CARNMT1: variants seen among roughly 807,000 people sequenced by gnomAD.
CARNMT1 encodes the protein protein-L-histidine N-pros-methyltransferase CARNMT1.
CARNMT1 carries 28 observed loss-of-function variants against 49.6 expected under a neutral mutation model. The observed-to-expected ratio is 0.56, with a 90% CI of 0.42 to 0.77. The LOEUF is 0.77. CARNMT1 is among the 30% of genes least tolerant of loss of function. The probability of loss-of-function intolerance (pLI) is 0.00; values close to 1 mark genes in which losing one functional copy is unlikely to be tolerated. For missense variants in CARNMT1, 421 were observed against 512.6 expected, an observed-to-expected ratio of 0.82 and a Z score of 1.73; for synonymous variants, 178 against 175.0, an observed-to-expected ratio of 1.02 and a Z score of -0.13.
At chr9:75,008,017 G>C (rs1303171745) in intron 3 of CARNMT1, among the ~76,000 whole-genome samples, 1 of 151,838 alleles carries the variant, frequency 6.6e-6, no homozygotes, top group Non-Finnish European at 1.5e-5. Context: ...TATTACATTA[G>C]CAACAAAAAT....
intron 6 of CARNMT1, among the ~76,000 whole-genome samples, chr9:74,986,247 C>T (rs921690932): frequency 9.9e-5 from 15 of 152,148 alleles, no homozygotes; most frequent in Admixed American, 9.2e-4. Flanking sequence ...AATAACAAGA[C>T]AAAGGTTCTG....
chr9:74,993,903 G>C (rs925574352), intron 6 of CARNMT1, among the ~76,000 whole-genome samples: 2 of 152,190 alleles, frequency 1.3e-5, no homozygotes, highest in Non-Finnish European at 2.9e-5. Flanking sequence ...AGACTGACTA[G>C]AGACAAACAG....
At chr9:75,009,891 G>GC (rs1397006629) in intron 3 of CARNMT1, 1 of 152,130 alleles carries the variant, frequency 6.6e-6, no homozygotes, top group Non-Finnish European at 1.5e-5. Context: ...CAAACAGAAT[G>GC]TAAGAATCAT....
Position 75,001,847 on chromosome 9 carries a change from G to A in CARNMT1, c.591-1977C>T, listed in dbSNP as rs191528396. 3.9e-5 allele frequency among the ~76,000 whole-genome samples: 6 copies of A among 152,246 alleles called. No individual in the cohort carries two copies. The East Asian group carries it at 5.8e-4, about 15-fold the overall frequency. On this transcript the variant is annotated intron_variant, in intron 3 of 7. Transcript: ENST00000376834. ...GCATTTCTATGAGGTCATTTCTGTG[G>A]AGAAAAAGAAACACAAATCTAATAC...
intron 2 of CARNMT1, chr9:75,017,008 G>C (rs1833874924): frequency 2.2e-6 from 1 of 463,936 alleles, no homozygotes; most frequent in Non-Finnish European, 3.8e-6. Context: ...TTCCAAAACA[G>C]AACATTATGT....
intron 6 of CARNMT1, among the ~76,000 whole-genome samples, chr9:74,992,181 A>T (rs962837422): frequency 1.3e-5 from 2 of 152,044 alleles, no homozygotes; most frequent in Admixed American, 6.5e-5. Context: ...CTGAGGCATA[A>T]GAATCGCTTG....
Position 74,996,522 on chromosome 9 carries a change from T to G in CARNMT1, c.949A>C (p.Thr317Pro). Reference sequence around the variant, plus strand: ...ATATAATCAATTACATTGTGAGCTGTGTCTATGAAGAAACAGGTAGCAATA... The same window carrying G: ...ATATAATCAATTACATTGTGAGCTGGGTCTATGAAGAAACAGGTAGCAATA... ...DCIATCFFID[T>P]AHNVIDYIDT... is the part of the protein sequence containing the mutation. Residue 317 changes from threonine to proline, a missense_variant, in exon 6 of 8, where the codon ACA becomes CCA. Thr to Pro is a conservative substitution (Grantham distance 38, BLOSUM62 -1). Around this residue, in one of 2 missense-constraint regions of CARNMT1, gnomAD observed 235 missense variants for 344.8 expected, o/e 0.68. Transcript: ENST00000376834. 1 of 1,607,502 alleles carries G rather than the reference T, an allele frequency of 6.2e-7. No individual in the cohort carries two copies. The highest frequency in any genetic ancestry group is 1.1e-5 in the South Asian group (1 of 89,710).
intron 5 of CARNMT1, among the ~76,000 whole-genome samples, chr9:74,996,896 CAAAAT>C (rs1833203516): frequency 6.6e-6 from 1 of 152,130 alleles, no homozygotes; most frequent in South Asian, 2.1e-4. Flanking sequence ...TCACTTAAAA[CAAAAT>C]AATAGTCATT....
At chr9:74,987,463 C>G (rs1832879038) in intron 6 of CARNMT1, among the ~76,000 whole-genome samples, 1 of 151,948 alleles carries the variant, frequency 6.6e-6, no homozygotes, top group Non-Finnish European at 1.5e-5. Context: ...AAAAGACCAC[C>G]ACAACAGTAC....
chr9:74,981,068 C>T lies in CARNMT1; in HGVS notation c.*2699G>A, dbSNP rs1326769157. 2 of 152,120 alleles carry T rather than the reference C, an allele frequency of 1.3e-5. No individual in the cohort carries two copies. Among genetic ancestry groups the T allele is most frequent in the Admixed American group, 6.5e-5 (1 of 15,282 alleles). 9.4% of individuals were successfully genotyped at this position (152,120 alleles called of 1,614,324 possible). A position where few individuals can be genotyped will look rare whatever the true frequency, so the allele number is the denominator to read the frequency against. ...AATATTCAAGAAAAATTAATTTCAT[C>T]ATACACATTAAAAATATAGGAAATT... is the stretch of plus-strand genomic sequence containing the variant. On this transcript the variant is annotated 3_prime_UTR_variant, in exon 8 of 8. Transcript: ENST00000376834.
At chr9:75,003,581 C>G (rs1049330259) in intron 3 of CARNMT1, among the ~76,000 whole-genome samples, 4 of 152,236 alleles carry the variant, frequency 2.6e-5, no homozygotes, top group African/African-American at 7.2e-5. Context: ...AATACAATAC[C>G]CCTGAATCTC....
chr9:74,989,636 C>T (rs1218538713), intron 6 of CARNMT1, among the ~76,000 whole-genome samples: 1 of 152,034 alleles, frequency 6.6e-6, no homozygotes. Context: ...GGGGTGGCTC[C>T]CCCCATGCTG....
At chr9:75,016,170 G>A in intron 3 of CARNMT1, 98 bp downstream of exon 3, 1 of 878,640 alleles carries the variant, frequency 1.1e-6, no homozygotes, top group Non-Finnish European at 1.8e-6. Context: ...CAGGCACACA[G>A]CAACTATAAC....
At chr9:74,983,987 A>G (rs1425563460) in intron 7 of CARNMT1, 119 bp from the exon 8 acceptor site, 4 of 534,442 alleles carry the variant, frequency 7.5e-6, no homozygotes, top group African/African-American at 1.9e-5. Context: ...TTTATTACAT[A>G]CAACTACCCC....
chr9:75,026,905 A>G, intron 1 of CARNMT1: 1 of 328,060 alleles, frequency 3.0e-6, no homozygotes, highest in Non-Finnish European at 6.1e-6. Flanking sequence ...CACTAGTGAC[A>G]TAAAAATAAA....
At chr9:75,015,378 GAT>G (rs1302876453) in intron 3 of CARNMT1, among the ~76,000 whole-genome samples, 1 of 151,926 alleles carries the variant, frequency 6.6e-6, no homozygotes, top group African/African-American at 2.4e-5. Flanking sequence ...TATTTAAAGT[GAT>G]ATATGATTTA....
chr9:75,009,681 TC>T (rs1215683957), intron 3 of CARNMT1: 1 of 152,074 alleles, frequency 6.6e-6, no homozygotes, highest in Non-Finnish European at 1.5e-5. Context: ...GCACCACCCT[TC>T]TCCCCACCCC....
intron 2 of CARNMT1, 78 bp from the exon 3 acceptor site, chr9:75,016,509 G>GGGGCTAT (rs1833857627): frequency 3.6e-6 from 5 of 1,394,330 alleles, no homozygotes; most frequent in Non-Finnish European, 5.0e-6. Context: ...ATGCTACTAA[G>GGGGCTAT]GGGCTATATA....
At chr9:75,010,527 GGGA>G (rs1200162613) in intron 3 of CARNMT1, among the ~76,000 whole-genome samples, 1 of 152,154 alleles carries the variant, frequency 6.6e-6, no homozygotes, top group African/African-American at 2.4e-5. Flanking sequence ...ATAAAGGGCT[GGGA>G]GGAGAAGGAG....
Sources: gnomAD v4.1 joint callset for allele counts (sites outside exome capture counted in the v4.1 genomes callset) on GRCh38, gnomAD v4.1.1 for gene constraint, gnomAD v4.1.1 regional missense constraint, MANE v1.5 for transcripts, NCBI Gene and HGNC (gene_info 2026-07-23, HGNC 2026-07-21) for gene names.